The following IDE variants were observed in gnomAD, a reference collection of about 807,000 sequenced individuals.
IDE encodes insulin-degrading enzyme.
In IDE, 58 loss-of-function variants were observed where a neutral mutation model predicts 133.2. The ratio of observed to expected loss-of-function variants is 0.44; its 90% confidence interval spans 0.35 to 0.54. The LOEUF (loss-of-function observed/expected upper bound fraction) is 0.54. IDE is among the 20% of genes least tolerant of loss of function. IDE has a pLI of 0.00. For synonymous variants in IDE, 396 were observed against 421.3 expected (o/e 0.94, Z 0.73); for missense variants, 981 against 1,234.0 (o/e 0.79, Z 3.07).
intron 14 of IDE, among the ~76,000 whole-genome samples, chr10:92,481,783 T>C (rs1447929294): frequency 6.6e-6 from 1 of 152,158 alleles, no homozygotes. Flanking sequence ...AGGCAGACAT[T>C]TTCAGTTCTA....
intron 11 of IDE, among the ~76,000 whole-genome samples, chr10:92,491,497 C>T (rs186582658): frequency 7.2e-5 from 11 of 152,150 alleles, no homozygotes; most frequent in Non-Finnish European, 1.3e-4. Context: ...GGGACAAGAC[C>T]AAAAAATGTC....
chr10:92,559,666 G>A (rs968549464), intron 1 of IDE, among the ~76,000 whole-genome samples: 6 of 151,656 alleles, frequency 4.0e-5, no homozygotes, highest in African/African-American at 9.7e-5. Context: ...TTGAGGTGAC[G>A]AAAATGTTTT....
intron 1 of IDE, chr10:92,573,295 T>G (rs1410128420): frequency 5.8e-6 from 3 of 513,806 alleles, no homozygotes; most frequent in African/African-American, 2.1e-5. Flanking sequence ...TCCGGTTGTC[T>G]CCGACGTAAA....
Position 92,534,690 on chromosome 10 carries a change from A to T in IDE, c.379T>A (p.Tyr127Asn). Residue 127 changes from tyrosine (Y) to asparagine (N), a missense_variant, in exon 3 of 25, where the codon TAC becomes AAC. Transcript: ENST00000265986. ...GTKKYPKENE[Y>N]SQFLSEHAGS... Reference sequence around the variant, plus strand: ...GCATGCTCACTGAGAAACTGGCTGTATTCATTTTCTTTAGGGTATTTCTTT... The same window carrying T: ...GCATGCTCACTGAGAAACTGGCTGTTTTCATTTTCTTTAGGGTATTTCTTT... 1 of 1,613,580 alleles carries T rather than the reference A, an allele frequency of 6.2e-7. No homozygotes were observed. Among genetic ancestry groups the T allele is most frequent in the Non-Finnish European group, 8.5e-7 (1 of 1,179,540 alleles).
chr10:92,469,394 G>A (rs1161948162), intron 18 of IDE, among the ~76,000 whole-genome samples: 1 of 152,184 alleles, frequency 6.6e-6, no homozygotes, highest in East Asian at 1.9e-4. Flanking sequence ...TATTGTTCTG[G>A]AGGGGGTATA....
chr10:92,495,462 G>A (rs1239319727), intron 11 of IDE, among the ~76,000 whole-genome samples: 1 of 151,594 alleles, frequency 6.6e-6, no homozygotes, highest in Non-Finnish European at 1.5e-5. Context: ...CTTGTGATCC[G>A]CCCACCTCGG....
chr10:92,518,488 G>C (rs968894471), intron 4 of IDE, among the ~76,000 whole-genome samples: 1 of 152,188 alleles, frequency 6.6e-6, no homozygotes, highest in African/African-American at 2.4e-5. Context: ...GACACTGCCT[G>C]ATGGAGTGCA....
At chr10:92,461,667 A>AT (rs756072204) in intron 21 of IDE, among the ~76,000 whole-genome samples, 187 of 142,092 alleles carry the variant, frequency 1.3e-3, no homozygotes, top group Admixed American at 1.3e-3. Context: ...AGTATTCACA[A>AT]TTTTTTTTTT....
At chr10:92,511,191 T>C (rs943421935) in intron 5 of IDE, among the ~76,000 whole-genome samples, 38 of 147,700 alleles carry the variant, frequency 2.6e-4, no homozygotes, top group African/African-American at 8.0e-4. Flanking sequence ...AACCTCTGCC[T>C]CCCAGGTTCA....
chr10:92,537,170 A>T (rs1454376804), intron 2 of IDE, among the ~76,000 whole-genome samples, 196 bp downstream of exon 2: 2 of 152,202 alleles, frequency 1.3e-5, no homozygotes, highest in Non-Finnish European at 2.9e-5. Flanking sequence ...ACCTAACAAG[A>T]TGTCCTTAGA....
At chr10:92,526,412 T>C (rs1210435568) in intron 4 of IDE, among the ~76,000 whole-genome samples, 1 of 152,162 alleles carries the variant, frequency 6.6e-6, no homozygotes, top group Non-Finnish European at 1.5e-5. Context: ...AAGGACTTTT[T>C]CAGAATCCTA....
chr10:92,560,118 A>T (rs1843206762), intron 1 of IDE, among the ~76,000 whole-genome samples: 1 of 152,194 alleles, frequency 6.6e-6, no homozygotes, highest in African/African-American at 2.4e-5. Flanking sequence ...TTTGTTCATT[A>T]ATATTTCTAG....
At position 92,468,873 on chromosome 10, in the gene IDE, A is replaced by G. The variant is rs773719072; in HGVS notation, c.2320+6T>C. 7 of 1,460,662 alleles carry G rather than the reference A, an allele frequency of 4.8e-6. No individual in the cohort carries two copies. In the Admixed American group the frequency reaches 1.2e-4, roughly 24 times the overall value. 90.5% of individuals were successfully genotyped at this position (1,460,662 alleles called of 1,614,324 possible). ...CCATTCCCAAAGTTACAACATCTCT[A>G]CTTACTGTCAGGGAGCTGAACTTCT... is the stretch of plus-strand genomic sequence containing the variant. On this transcript the variant is annotated splice_donor_region_variant and intron_variant, in intron 19 of 24. Transcript: ENST00000265986.
intron 11 of IDE, among the ~76,000 whole-genome samples, chr10:92,503,906 C>CGGGG (rs1848161683): frequency 6.6e-6 from 1 of 151,778 alleles, no homozygotes; most frequent in Non-Finnish European, 1.5e-5. Flanking sequence ...TTATTAGAGA[C>CGGGG]GGGGTTTCTC....
chr10:92,527,770 A>G (rs1171194500), intron 4 of IDE, among the ~76,000 whole-genome samples: 1 of 152,166 alleles, frequency 6.6e-6, no homozygotes, highest in African/African-American at 2.4e-5. Context: ...TAATCCTAAC[A>G]CTTTGAGAGG....
Position 92,486,367 on chromosome 10 carries a change from A to G in IDE, c.1656+829T>C, listed in dbSNP as rs1309180522. Among the ~76,000 whole-genome samples the G allele has an allele frequency of 5.5e-4, 83 of 152,148 alleles. 1 individual carries two copies. Among genetic ancestry groups the G allele is most frequent in the Non-Finnish European group, 1.0e-4 (7 of 68,016 alleles). On this transcript the variant is annotated intron_variant, in intron 13 of 24. Transcript: ENST00000265986. The stretch of plus-strand genomic sequence containing the variant: ...CTCTGTCTCAAAAAAAGAAAAGAAA[A>G]TAAAGAAAAATGGTTGTCTCATTAA...
At chr10:92,456,533 T>C (rs1845015997) in intron 22 of IDE, 102 bp from the exon 23 acceptor site, 1 of 843,996 alleles carries the variant, frequency 1.2e-6, no homozygotes, top group Non-Finnish European at 2.0e-6. Context: ...CACAGTCAGA[T>C]ATAGAAAAGA....
chr10:92,511,097 A>AC (rs1362065197), intron 5 of IDE, among the ~76,000 whole-genome samples: 15 of 150,674 alleles, frequency 1.0e-4, no homozygotes, highest in South Asian at 2.1e-4. Flanking sequence ...AAAAAAAAAA[A>AC]AAAACTTTTT....
rs549691004 is a variant in IDE at position 92,490,747 on chromosome 10, G to A, written c.1431-152C>T. On this transcript the variant is annotated intron_variant, in intron 11 of 24. Transcript: ENST00000265986. Reference sequence around the variant, plus strand: ...ATCCTGTAAGGCTTAGTCCAAACAAGCAATACATGAATAGAGGTTTCTGAT... The same window carrying A: ...ATCCTGTAAGGCTTAGTCCAAACAAACAATACATGAATAGAGGTTTCTGAT... 7 of 600,592 alleles carry A rather than the reference G, an allele frequency of 1.2e-5. No homozygotes were observed. In the East Asian group the frequency reaches 1.7e-4, roughly 14 times the overall value. The allele number at this position is 600,592 out of a possible 1,614,324, so 37.2% of individuals were successfully genotyped here.
Sources: allele counts gnomAD v4.1 joint callset (sites outside exome capture counted in the v4.1 genomes callset), GRCh38; gene constraint gnomAD v4.1.1; transcripts MANE v1.5; gene names NCBI Gene and HGNC (gene_info 2026-07-23, HGNC 2026-07-21).